The following CNTNAP2 variants were observed in gnomAD, a reference collection of about 807,000 sequenced individuals.
CNTNAP2 encodes contactin-associated protein-like 2.
A neutral mutation model predicts 155.2 loss-of-function variants in CNTNAP2; 98 were observed. The ratio of observed to expected loss-of-function variants is 0.63; its 90% CI spans 0.54 to 0.75. CNTNAP2 has a LOEUF of 0.75. CNTNAP2 is among the 30% of genes least tolerant of loss of function. The pLI is 0.00. For missense variants in CNTNAP2, 1,727 were observed against 1,688.1 expected (o/e 1.02, Z -0.40); for synonymous variants, 651 against 631.2 (o/e 1.03, Z -0.47).
intron 21 of CNTNAP2, among the ~76,000 whole-genome samples, chr7:148,355,199 T>TTTTTTTTTTTG (rs71188975): frequency 7.5e-6 from 1 of 133,516 alleles, no homozygotes; most frequent in Admixed American, 7.8e-5. Context: ...TTTTTTTTTT[T>TTTTTTTTTTTG]GAGACGGAGT....
intron 3 of CNTNAP2, among the ~76,000 whole-genome samples, chr7:146,968,704 C>A (rs1258707641): frequency 1.3e-5 from 2 of 151,812 alleles, no homozygotes; most frequent in African/African-American, 4.9e-5. Context: ...TCTCTCTTTT[C>A]TTCTTTATTA....
At chr7:148,170,547 T>C (rs139656971) in intron 17 of CNTNAP2, among the ~76,000 whole-genome samples, 1 of 152,324 alleles carries the variant, frequency 6.6e-6, no homozygotes, top group East Asian at 1.9e-4. Context: ...TGCCATCTAC[T>C]CTCTCATAGC....
chr7:147,626,405 A>G (rs1037162520), intron 12 of CNTNAP2, among the ~76,000 whole-genome samples: 1 of 152,112 alleles, frequency 6.6e-6, no homozygotes, highest in Non-Finnish European at 1.5e-5. Flanking sequence ...TATATGACAC[A>G]GCAGAGGCAG....
intron 1 of CNTNAP2, among the ~76,000 whole-genome samples, chr7:146,565,386 AT>A (rs983543439): frequency 2.7e-4 from 40 of 149,196 alleles, no homozygotes; most frequent in African/African-American, 5.4e-4. Flanking sequence ...ATTCATAGCC[AT>A]TTTTTTTTTG....
intron 1 of CNTNAP2, among the ~76,000 whole-genome samples, chr7:146,687,482 C>T (rs758924504): frequency 2.0e-5 from 3 of 151,968 alleles, no homozygotes; most frequent in African/African-American, 4.8e-5. Flanking sequence ...CCCTTTTTGT[C>T]GTGTATCACC....
chr7:147,979,591 C>T (rs573183268), intron 15 of CNTNAP2, among the ~76,000 whole-genome samples: 1 of 152,250 alleles, frequency 6.6e-6, no homozygotes, highest in South Asian at 2.1e-4. Flanking sequence ...AATTCCACTT[C>T]TGCAAACTTT....
At chr7:148,187,429 G>A (rs1185058487) in intron 18 of CNTNAP2, among the ~76,000 whole-genome samples, 1 of 152,182 alleles carries the variant, frequency 6.6e-6, no homozygotes, top group East Asian at 1.9e-4. Context: ...TCTTATTGAT[G>A]AAATTCATGC....
chr7:146,124,249 T>A (rs559763762), intron 1 of CNTNAP2, among the ~76,000 whole-genome samples: 31 of 148,856 alleles, frequency 2.1e-4, no homozygotes, highest in Non-Finnish European at 3.3e-4. Context: ...AAGTAAAATT[T>A]AAAAAAAAAA....
intron 22 of CNTNAP2, among the ~76,000 whole-genome samples, chr7:148,406,238 T>TAAAGAAAG (rs1554431156): frequency 4.5e-3 from 81 of 17,834 alleles, no homozygotes; most frequent in East Asian, 0.031. Context: ...TCTCAAAAAA[T>TAAAGAAAG]AAAGAAAGAA....
In CNTNAP2 at chr7:147,377,270, A is replaced by G. The variant is rs80241804; in HGVS notation, c.1499-18339A>G. Among the ~76,000 whole-genome samples the G allele has an allele frequency of 7.0e-3, 1,063 of 151,792 alleles. 23 individuals carry two copies. The highest frequency in any genetic ancestry group is 0.061 in the Admixed American group (922 of 15,162). ...TTTCAAAAATACTTATTAAATTCCAACATAGCTTAAGATCTTGATCTTTCT... is the reference window on the plus strand; with the variant it reads ...TTTCAAAAATACTTATTAAATTCCAGCATAGCTTAAGATCTTGATCTTTCT... On this transcript the variant is annotated intron_variant, in intron 9 of 23. Transcript: ENST00000361727.
At chr7:146,307,186 C>G (rs1161781145) in intron 1 of CNTNAP2, among the ~76,000 whole-genome samples, 1 of 152,064 alleles carries the variant, frequency 6.6e-6, no homozygotes, top group Admixed American at 6.6e-5. Flanking sequence ...ACACCAATAA[C>G]AGACAAACAG....
intron 2 of CNTNAP2, among the ~76,000 whole-genome samples, chr7:146,783,902 T>A (rs571888909): frequency 1.4e-4 from 21 of 152,220 alleles, no homozygotes; most frequent in Non-Finnish European, 2.9e-4. Flanking sequence ...CACTTTGGGA[T>A]TTGCTTTTAT....
chr7:146,846,047 A>G (rs747140759), intron 3 of CNTNAP2, among the ~76,000 whole-genome samples: 3 of 152,190 alleles, frequency 2.0e-5, no homozygotes, highest in Admixed American at 6.5e-5. Context: ...TTACAGTTCA[A>G]TGGTGTACTT....
chr7:148,008,765 G>A (rs376904326), intron 15 of CNTNAP2, among the ~76,000 whole-genome samples: 1 of 152,272 alleles, frequency 6.6e-6, no homozygotes, highest in South Asian at 2.1e-4. Context: ...TTCAGCTATT[G>A]CTTCTATAAC....
At chr7:146,564,979 C>A (rs150484921) in intron 1 of CNTNAP2, among the ~76,000 whole-genome samples, 4 of 151,988 alleles carry the variant, frequency 2.6e-5, no homozygotes, top group Non-Finnish European at 5.9e-5. Flanking sequence ...TTACCCAAAG[C>A]CTAAACTTAG....
chr7:147,849,113 T>G (rs1356021269), intron 13 of CNTNAP2, among the ~76,000 whole-genome samples: 1 of 152,196 alleles, frequency 6.6e-6, no homozygotes. Context: ...ACTGGAAAAA[T>G]GGCATAAAAC....
At chr7:147,079,717 A>T (rs905673627) in intron 4 of CNTNAP2, among the ~76,000 whole-genome samples, 1 of 151,916 alleles carries the variant, frequency 6.6e-6, no homozygotes, top group Non-Finnish European at 1.5e-5. Context: ...GATAGGAATC[A>T]TTTAATAGAT....
intron 2 of CNTNAP2, among the ~76,000 whole-genome samples, chr7:146,829,246 G>C (rs1052664637): frequency 6.6e-6 from 1 of 151,954 alleles, no homozygotes; most frequent in Non-Finnish European, 1.5e-5. Context: ...AGAAGCCTCA[G>C]CTAGACAGAT....
At chr7:147,098,154 G>A (rs559944768) in intron 4 of CNTNAP2, among the ~76,000 whole-genome samples, 49 of 152,126 alleles carry the variant, frequency 3.2e-4, no homozygotes, top group Non-Finnish European at 4.9e-4. Context: ...CCCTTTCCAC[G>A]CCCTTTCTCC....
Sources: gnomAD v4.1 joint callset for allele counts (sites outside exome capture counted in the v4.1 genomes callset) on GRCh38, gnomAD v4.1.1 for gene constraint, MANE v1.5 for transcripts, NCBI Gene and HGNC (gene_info 2026-07-23, HGNC 2026-07-21) for gene names.